Variants in DNAH12 observed in about 807,000 individuals in gnomAD.
The protein encoded by DNAH12 is axonemal beta dynein heavy chain 12.
A neutral mutation model predicts 371.5 loss-of-function variants in DNAH12; 285 were observed. That is an observed-to-expected ratio of 0.77 (90% confidence interval 0.70 to 0.85). The LOEUF (loss-of-function observed/expected upper bound fraction) is 0.85, where lower values mean the gene tolerates loss of function less well. DNAH12 is among the 40% of genes least tolerant of loss of function. The probability of loss-of-function intolerance (pLI) is 0.00; values close to 1 mark genes in which losing one functional copy is unlikely to be tolerated. For synonymous variants in DNAH12, 1,200 were observed against 1,213.0 expected (o/e 0.99, Z 0.22); for missense variants, 3,611 against 3,689.4 (o/e 0.98, Z 0.55).
At chr3:57,454,223 C>G (rs6806584) in intron 23 of DNAH12, among the ~76,000 whole-genome samples, 99,814 of 152,004 alleles carry the variant, frequency 0.66, 33,085 homozygotes, top group South Asian at 0.75. Context: ...GTTCATGCCT[C>G]TAATCCCAGC....
intron 12 of DNAH12, among the ~76,000 whole-genome samples, chr3:57,484,863 T>A (rs1032871397): frequency 6.6e-6 from 1 of 151,590 alleles, no homozygotes; most frequent in Non-Finnish European, 1.5e-5. Context: ...AATAATCTCA[T>A]CAAAAAGTAG....
intron 10 of DNAH12, 63 bp downstream of exon 10, chr3:57,502,260 G>C: frequency 6.3e-6 from 10 of 1,590,768 alleles, no homozygotes; most frequent in Non-Finnish European, 8.6e-6. Flanking sequence ...ACAAACATCT[G>C]ACCAAATTCT....
chr3:57,299,301 C>T (rs965115597), intron 70 of DNAH12, among the ~76,000 whole-genome samples: 3 of 152,146 alleles, frequency 2.0e-5, no homozygotes, highest in African/African-American at 7.2e-5. Context: ...TTAGTACATG[C>T]CAGGCACTGT....
intron 13 of DNAH12, among the ~76,000 whole-genome samples, chr3:57,482,234 A>C (rs1441687743): frequency 6.6e-6 from 1 of 152,192 alleles, no homozygotes; most frequent in Non-Finnish European, 1.5e-5. Flanking sequence ...AGAAAAAAAC[A>C]AACAACCCCA....
intron 16 of DNAH12, 147 bp downstream of exon 16, chr3:57,470,296 G>T: frequency 1.3e-6 from 1 of 747,646 alleles, no homozygotes; most frequent in Non-Finnish European, 2.1e-6. Context: ...AGCAGCACTG[G>T]ATGTTTCTCC....
chr3:57,438,918 C>CCAAAAAAAAAAAAAAAA (rs562343761), intron 29 of DNAH12, among the ~76,000 whole-genome samples: 1 of 94,496 alleles, frequency 1.1e-5, no homozygotes, highest in African/African-American at 4.0e-5. Flanking sequence ...CTGTCTCAGA[C>CCAAAAAAAAAAAAAAAA]AAAAAAAAAA....
intron 2 of DNAH12, among the ~76,000 whole-genome samples, chr3:57,540,933 AAG>A (rs1462711283): frequency 4.0e-5 from 6 of 151,894 alleles, no homozygotes; most frequent in Admixed American, 6.6e-5. Context: ...CTGTCTCAAA[AAG>A]AAAAAAAAAA....
intron 52 of DNAH12, among the ~76,000 whole-genome samples, chr3:57,378,002 G>A (rs1327473492): frequency 6.6e-6 from 1 of 152,146 alleles, no homozygotes; most frequent in African/African-American, 2.4e-5. Context: ...AGAGAGCAGT[G>A]TATCAGACAC....
intron 35 of DNAH12, among the ~76,000 whole-genome samples, chr3:57,424,406 G>A (rs538686555): frequency 6.7e-6 from 1 of 148,834 alleles, no homozygotes; most frequent in South Asian, 2.1e-4. Context: ...AGGAGGCAGA[G>A]GATGCAGTGA....
Position 57,458,157 on chromosome 3 carries a change from C to G in DNAH12, c.2995G>C (p.Glu999Gln), listed in dbSNP as rs2065954938. ...EKLQNCNELL[E>Q]KIMKGLNAYL... ...GCGTTAAGACCTTTCATAATTTTCT[C>G]CAAAAGTTCATTGCAGTTCTGTAGT... Residue 999 changes from glutamate (E) to glutamine (Q), a missense_variant, in exon 21 of 74, where the codon GAG becomes CAG. Transcript: ENST00000495027. 1.3e-6 allele frequency: 2 copies of G among 1,550,192 alleles called. No homozygotes were observed. Among genetic ancestry groups the G allele is most frequent in the Non-Finnish European group, 1.7e-6 (2 of 1,146,656 alleles).
intron 30 of DNAH12, among the ~76,000 whole-genome samples, chr3:57,436,489 C>G (rs1210144944): frequency 6.6e-6 from 1 of 152,150 alleles, no homozygotes; most frequent in Non-Finnish European, 1.5e-5. Context: ...AGTGTTTGCT[C>G]TGGTAACCCT....
chr3:57,296,446 A>G lies in DNAH12; in HGVS notation c.11533-11T>C. The G allele has an allele frequency of 1.3e-6, 2 of 1,540,622 alleles. No homozygotes were observed. The highest frequency in any genetic ancestry group is 1.8e-6 in the Non-Finnish European group (2 of 1,137,448). ...ATCAGATGGGATAACCTGAAGGGAT[A>G]GGCACACACTAGCAGTGATCCTCTC... On this transcript the variant is annotated splice_polypyrimidine_tract_variant and intron_variant, in intron 71 of 73. Transcript: ENST00000495027.
intron 8 of DNAH12, among the ~76,000 whole-genome samples, 156 bp downstream of exon 8, chr3:57,507,485 AAC>A (rs2067805737): frequency 6.6e-6 from 1 of 152,200 alleles, no homozygotes; most frequent in South Asian, 2.1e-4. Flanking sequence ...TAGTTTCAGA[AAC>A]ACAATATTTT....
At chr3:57,489,794 CT>C in intron 11 of DNAH12, 107 bp from the exon 12 acceptor site, 1 of 1,176,762 alleles carries the variant, frequency 8.5e-7, no homozygotes, top group Non-Finnish European at 1.1e-6. Flanking sequence ...AACTTTATTT[CT>C]TTTTTGCTAA....
chr3:57,377,215 G>A lies in DNAH12; in HGVS notation c.8231C>T (p.Ala2744Val), dbSNP rs2063298651. 1 of 152,096 alleles carries A rather than the reference G, an allele frequency of 6.6e-6. No individual in the cohort carries two copies. Among genetic ancestry groups the A allele is most frequent in the Non-Finnish European group, 1.5e-5 (1 of 68,010 alleles). 9.4% of individuals were successfully genotyped at this position (152,096 alleles called of 1,614,324 possible). ...TTCTGATAAGCGAGCTTTCTTAGGA[G>A]CCACTACCTTTTTGGGAAGAATATA... is the stretch of plus-strand genomic sequence containing the variant. ...EVYDRVAKVV[A>V]PKKARLSEAQ... Residue 2744 changes from alanine to valine, a missense_variant, in exon 53 of 74, where the codon GCT (alanine) becomes GTT (valine). By Grantham distance (64) the Ala-to-Val change is moderately conservative. Transcript: ENST00000495027.
At chr3:57,371,054 T>C (rs1186920225) in intron 55 of DNAH12, among the ~76,000 whole-genome samples, 1 of 152,170 alleles carries the variant, frequency 6.6e-6, no homozygotes, top group Admixed American at 6.5e-5. Flanking sequence ...CTATATCTCA[T>C]ACAGGTTTAG....
chr3:57,303,284 A>C (rs1313984513), intron 69 of DNAH12, among the ~76,000 whole-genome samples: 1 of 144,656 alleles, frequency 6.9e-6, no homozygotes, highest in Non-Finnish European at 1.5e-5. Context: ...GCTTGCAGTG[A>C]GCCCAGATCT....
rs2061722319 is a variant in DNAH12, at chr3:57,317,928, A to AT, written c.10525-3298dup. Among the ~76,000 whole-genome samples, 4 of 152,062 alleles carry AT rather than the reference A, an allele frequency of 2.6e-5. No homozygotes were observed. The South Asian group carries it at 8.3e-4, about 32-fold the overall frequency. On this transcript the variant is annotated intron_variant, in intron 65 of 73. Coordinates refer to ENST00000495027, the MANE Select transcript of DNAH12 (RefSeq NM_001366028.2). ...TCCCTGCTGACTACTGACATTGAGCATTTTTTCATATATCTGTTGGCCATT... is the reference window on the plus strand; with the variant it reads ...TCCCTGCTGACTACTGACATTGAGCATTTTTTTCATATATCTGTTGGCCATT...
At position 57,444,752 on chromosome 3, in the gene DNAH12, T is replaced by C. The variant is rs1428984053; in HGVS notation, c.4490A>G (p.Asn1497Ser). The change falls in exon 29 of 74, where the codon AAT (asparagine) becomes AGT (serine). Residue 1497 changes from asparagine (N) to serine (S), a missense_variant. Asn to Ser is a conservative substitution (Grantham distance 46). This residue lies in a region of DNAH12 where 2,266 missense variants were observed against 2,236.9 expected (regional missense o/e 1.01). Coordinates refer to ENST00000495027, the MANE Select transcript of DNAH12 (RefSeq NM_001366028.2). Reference protein sequence around the residue: ...KFLSHDIPLFNGITSDLFPGI... With the variant: ...KFLSHDIPLFSGITSDLFPGI... ...AGGAAATAAGTCACTAGTTATTCCA[T>C]TAAATAAAGGTATATCATGTGATAA... 1.3e-6 allele frequency: 2 copies of C among 1,550,132 alleles called. No homozygotes were observed. The highest frequency in any genetic ancestry group is 2.7e-5 in the African/African-American group (2 of 72,990).
Sources: allele counts gnomAD v4.1 joint callset (sites outside exome capture counted in the v4.1 genomes callset), GRCh38; gene constraint gnomAD v4.1.1; regional missense constraint gnomAD v4.1.1; transcripts MANE v1.5; gene names NCBI Gene and HGNC (gene_info 2026-07-23, HGNC 2026-07-21).